Variants in PHYHIPL observed in about 807,000 individuals in gnomAD.
PHYHIPL encodes the protein phytanoyl-CoA hydroxylase-interacting protein-like.
PHYHIPL carries 9 observed loss-of-function variants against 33.4 expected under a neutral mutation model. That is an observed-to-expected ratio of 0.27 (90% CI 0.16 to 0.47). The LOEUF (loss-of-function observed/expected upper bound fraction) is 0.47, where lower values mean the gene tolerates loss of function less well. Among genes scored for constraint, PHYHIPL ranks in the 20% least tolerant of loss-of-function variants. The pLI is 0.99. For synonymous variants in PHYHIPL, 153 were observed against 154.1 expected (o/e 0.99, Z 0.05); for missense variants, 365 against 460.7 (o/e 0.79, Z 1.90).
At chr10:59,243,003 C>T (rs973054413) in intron 4 of PHYHIPL, among the ~76,000 whole-genome samples, 11 of 151,854 alleles carry the variant, frequency 7.2e-5, no homozygotes, top group African/African-American at 2.7e-4. Flanking sequence ...AATTAATAGC[C>T]GAAATGTTCC....
At chr10:59,211,630 C>T (rs970695079) in intron 1 of PHYHIPL, among the ~76,000 whole-genome samples, 1 of 137,762 alleles carries the variant, frequency 7.3e-6, no homozygotes, top group South Asian at 2.3e-4. Flanking sequence ...CCCGCCTCAG[C>T]GTCCCAAAGT....
At chr10:59,214,483 A>C (rs1370826151) in intron 1 of PHYHIPL, among the ~76,000 whole-genome samples, 2 of 152,090 alleles carry the variant, frequency 1.3e-5, no homozygotes, top group African/African-American at 4.8e-5. Flanking sequence ...AACTTTAAAA[A>C]CTGTTTCCAG....
intron 1 of PHYHIPL, among the ~76,000 whole-genome samples, chr10:59,191,281 G>A (rs1210771223): frequency 6.6e-6 from 1 of 151,898 alleles, no homozygotes; most frequent in Non-Finnish European, 1.5e-5. Flanking sequence ...TATATGCGAT[G>A]AATATTTTTT....
At chr10:59,215,684 T>A (rs1312675421) in intron 1 of PHYHIPL, among the ~76,000 whole-genome samples, 1 of 151,906 alleles carries the variant, frequency 6.6e-6, no homozygotes, top group Non-Finnish European at 1.5e-5. Flanking sequence ...ATGGAGAATG[T>A]CAGTAGTAAT....
At chr10:59,179,887 T>A (rs942196321) in intron 1 of PHYHIPL, among the ~76,000 whole-genome samples, 1 of 112,730 alleles carries the variant, frequency 8.9e-6, no homozygotes, top group African/African-American at 3.7e-5. Context: ...ACACACACAC[T>A]ACCTCATGGA....
chr10:59,221,277 A>C (rs1839764353), intron 1 of PHYHIPL, among the ~76,000 whole-genome samples: 1 of 152,070 alleles, frequency 6.6e-6, no homozygotes, highest in African/African-American at 2.4e-5. Flanking sequence ...GAGGCAAGTG[A>C]AAAACAAATT....
At chr10:59,226,016 T>A (rs1346337678) in intron 1 of PHYHIPL, among the ~76,000 whole-genome samples, 1 of 152,128 alleles carries the variant, frequency 6.6e-6, no homozygotes, top group East Asian at 1.9e-4. Context: ...TGTGTTTTTT[T>A]AACAGTAAAA....
intron 1 of PHYHIPL, among the ~76,000 whole-genome samples, chr10:59,209,548 A>C (rs1424935176): frequency 6.6e-6 from 1 of 152,188 alleles, no homozygotes; most frequent in Non-Finnish European, 1.5e-5. Flanking sequence ...AGCTAACATC[A>C]CAAAGACAGG....
At chr10:59,227,738 A>G (rs913817201) in intron 1 of PHYHIPL, among the ~76,000 whole-genome samples, 1 of 152,128 alleles carries the variant, frequency 6.6e-6, no homozygotes, top group African/African-American at 2.4e-5. Flanking sequence ...CAAAAACAAA[A>G]TAAGGGGAGT....
At chr10:59,198,710 G>A (rs1354330762) in intron 1 of PHYHIPL, among the ~76,000 whole-genome samples, 1 of 151,448 alleles carries the variant, frequency 6.6e-6, no homozygotes, top group Non-Finnish European at 1.5e-5. Context: ...ATCCTCTCCA[G>A]CACCTATTGT....
chr10:59,229,063 A>G (rs1018632146), intron 1 of PHYHIPL, among the ~76,000 whole-genome samples: 7 of 152,178 alleles, frequency 4.6e-5, no homozygotes, highest in Non-Finnish European at 1.0e-4. Flanking sequence ...TGGTTTATTA[A>G]GAGACTATTT....
intron 1 of PHYHIPL, among the ~76,000 whole-genome samples, chr10:59,232,548 G>A (rs935843801): frequency 1.3e-5 from 2 of 151,904 alleles, no homozygotes; most frequent in South Asian, 2.1e-4. Flanking sequence ...AGAAGATAAC[G>A]ATAGTGGAAG....
At chr10:59,242,516 G>A (rs1476305408) in intron 4 of PHYHIPL, among the ~76,000 whole-genome samples, 1 of 151,890 alleles carries the variant, frequency 6.6e-6, no homozygotes, top group Non-Finnish European at 1.5e-5. Flanking sequence ...ATGGAACTCA[G>A]GTATCACACC....
At chr10:59,237,603 G>A (rs1234565327) in intron 3 of PHYHIPL, among the ~76,000 whole-genome samples, 2 of 151,910 alleles carry the variant, frequency 1.3e-5, no homozygotes, top group Admixed American at 6.6e-5. Context: ...TTTTGTGTAA[G>A]TTGACTTTTA....
chr10:59,202,207 T>A (rs1217886486), intron 1 of PHYHIPL, among the ~76,000 whole-genome samples: 1 of 151,778 alleles, frequency 6.6e-6, no homozygotes, highest in Middle Eastern at 3.2e-3. Flanking sequence ...CCCAAAGGAG[T>A]GGGGGTTGAA....
rs1840163591 is a variant in PHYHIPL at position 59,234,321 on chromosome 10, A to G, written c.124A>G (p.Ser42Gly). 1.3e-6 allele frequency: 2 copies of G among 1,587,318 alleles called. No individual in the cohort carries two copies. Among genetic ancestry groups the G allele is most frequent in the Non-Finnish European group, 1.7e-6 (2 of 1,171,486 alleles). Residue 42 changes from serine to glycine, a missense_variant, in exon 2 of 5, where the codon AGT becomes GGT. By Grantham distance (56) the Ser-to-Gly change is moderately conservative. Coordinates refer to ENST00000373880, the MANE Select transcript of PHYHIPL (RefSeq NM_032439.4). Reference sequence around the variant, plus strand: ...TCTTGCAGGGAACAAATCACAAGACAGTGGCATAGCAGAGATGGAAGAACT... The same window carrying G: ...TCTTGCAGGGAACAAATCACAAGACGGTGGCATAGCAGAGATGGAAGAACT... Reference protein sequence around the residue: ...CDRDGNKSQDSGIAEMEELPV... With the variant: ...CDRDGNKSQDGGIAEMEELPV...
intron 1 of PHYHIPL, among the ~76,000 whole-genome samples, chr10:59,216,512 G>A (rs12254457): frequency 0.19 from 28,916 of 152,012 alleles, 3,415 homozygotes; most frequent in African/African-American, 0.32. Context: ...CTTCAGCGGA[G>A]TAAGGTGGGA....
chr10:59,222,333 T>C (rs1839800539), intron 1 of PHYHIPL, among the ~76,000 whole-genome samples: 1 of 151,998 alleles, frequency 6.6e-6, no homozygotes, highest in South Asian at 2.1e-4. Context: ...GCTGTAAGTA[T>C]AACTGTAAGA....
At chr10:59,229,761 G>A (rs886376521) in intron 1 of PHYHIPL, among the ~76,000 whole-genome samples, 4 of 152,160 alleles carry the variant, frequency 2.6e-5, no homozygotes, top group East Asian at 3.9e-4. Context: ...CTCAGCATTT[G>A]CGTTACTTGA....
Sources: gnomAD v4.1 joint callset for allele counts (sites outside exome capture counted in the v4.1 genomes callset) on GRCh38, gnomAD v4.1.1 for gene constraint, MANE v1.5 for transcripts, NCBI Gene and HGNC (gene_info 2026-07-23, HGNC 2026-07-21) for gene names.